The following AQP11 variants were observed in gnomAD, a reference collection of about 807,000 sequenced individuals.
AQP11 encodes the protein aquaporin 11, also known as aquaporin-11.
AQP11 carries 20 observed loss-of-function variants against 21.1 expected under a neutral mutation model. The observed-to-expected ratio is 0.95, with a 90% confidence interval of 0.67 to 1.38. The LOEUF is 1.38. AQP11 is among the 40% of genes most tolerant of loss of function. The pLI is 0.00. For synonymous variants in AQP11, 167 were observed against 150.1 expected, an observed-to-expected ratio of 1.11 and a Z score of -0.82; for missense variants, 339 against 340.4, an observed-to-expected ratio of 1.00 and a Z score of 0.03.
In AQP11 at chr11:77,590,310, G is replaced by A. The variant is rs1420915848; in HGVS notation, c.318G>A (p.Gln106=). ...TSSNPCGVMM[Q]MMLGGMSPET... ...GCAACCCGTGCGGCGTGATGATGCAGATGATGCTGGGGGGCATGTCCCCCG... is the reference window on the plus strand; with the variant it reads ...GCAACCCGTGCGGCGTGATGATGCAAATGATGCTGGGGGGCATGTCCCCCG... Residue 106 remains glutamine, a synonymous_variant, in exon 1 of 3, where the codon CAG becomes CAA. Transcript: ENST00000313578. 1 of 1,608,314 alleles carries A rather than the reference G, an allele frequency of 6.2e-7. No individual in the cohort carries two copies. The highest frequency in any genetic ancestry group is 1.7e-5 in the Admixed American group (1 of 59,694).
intron 1 of AQP11, among the ~76,000 whole-genome samples, chr11:77,591,881 A>T (rs1390883845): frequency 6.6e-6 from 1 of 152,066 alleles, no homozygotes. Context: ...TCTCAAAAAA[A>T]AGAAAGAAAG....
chr11:77,605,480 A>G (rs1039027007), intron 2 of AQP11, among the ~76,000 whole-genome samples: 1 of 152,130 alleles, frequency 6.6e-6, no homozygotes, highest in Non-Finnish European at 1.5e-5. Context: ...GTGAGTGGCA[A>G]TCAAGCTTAC....
chr11:77,596,004 T>C (rs1428281455), intron 1 of AQP11, among the ~76,000 whole-genome samples: 2 of 152,056 alleles, frequency 1.3e-5, no homozygotes, highest in Admixed American at 1.3e-4. Flanking sequence ...GGAGCTATTA[T>C]CAATTTACAA....
intron 2 of AQP11, among the ~76,000 whole-genome samples, chr11:77,605,124 C>T (rs1224998196): frequency 3.3e-5 from 5 of 152,056 alleles, no homozygotes; most frequent in Non-Finnish European, 7.4e-5. Context: ...ACCTAGGAGG[C>T]GGAGCTTGCA....
At chr11:77,608,703 T>C (rs1335192402) in intron 2 of AQP11, among the ~76,000 whole-genome samples, 3 of 152,234 alleles carry the variant, frequency 2.0e-5, no homozygotes, top group African/African-American at 7.2e-5. Flanking sequence ...TTTTATTTGC[T>C]TGACACATCT....
At chr11:77,602,633 A>G (rs1185173126) in intron 1 of AQP11, among the ~76,000 whole-genome samples, 2 of 152,206 alleles carry the variant, frequency 1.3e-5, no homozygotes, top group Non-Finnish European at 2.9e-5. Flanking sequence ...ACACAGCTTC[A>G]TTGTTCTCGG....
At chr11:77,606,886 T>C (rs1234563814) in intron 2 of AQP11, among the ~76,000 whole-genome samples, 1 of 152,198 alleles carries the variant, frequency 6.6e-6, no homozygotes, top group Non-Finnish European at 1.5e-5. Context: ...TGAGCCACCA[T>C]ACTTGGCTGA....
At position 77,609,373 on chromosome 11, in the gene AQP11, A is replaced by C. The variant is rs200870763; in HGVS notation, c.812A>C (p.Glu271Ala). 40 of 1,611,024 alleles carry C rather than the reference A, an allele frequency of 2.5e-5. No individual in the cohort carries two copies. The highest frequency in any genetic ancestry group is 3.4e-5 in the Non-Finnish European group (40 of 1,178,348). Residue 271 changes from glutamate (E) to alanine (A), a missense_variant, in exon 3 of 3, where the codon GAA (glutamate) becomes GCA (alanine). By Grantham distance (107) the Glu-to-Ala change is moderately radical. Transcript: ENST00000313578. ...AACAACCATACAATTAATAAAAAGGAATAACTGTTCCAAAGACTCAGACTA... is the reference window on the plus strand; with the variant it reads ...AACAACCATACAATTAATAAAAAGGCATAACTGTTCCAAAGACTCAGACTA... ...LHNNHTINKK[E>A]
chr11:77,593,514 G>A (rs1036640301), intron 1 of AQP11, among the ~76,000 whole-genome samples: 1 of 152,138 alleles, frequency 6.6e-6, no homozygotes, highest in African/African-American at 2.4e-5. Flanking sequence ...GCGGGTGCCT[G>A]TAGTCCCAGC....
At chr11:77,603,431 TGCAAAGGAAGA>T in intron 1 of AQP11, 114 bp from the exon 2 acceptor site, 1 of 645,438 alleles carries the variant, frequency 1.5e-6, no homozygotes, top group Non-Finnish European at 2.6e-6. Flanking sequence ...CAGGTGATTC[TGCAAAGGAAGA>T]TCACAGACTA....
chr11:77,609,200 C>A lies in AQP11; in HGVS notation c.737-98C>A, dbSNP rs1045143102. The A allele has an allele frequency of 8.9e-5, 70 of 782,738 alleles. 2 individuals carry two copies. In the South Asian group the frequency reaches 1.4e-3, roughly 15 times the overall value. The allele number at this position is 782,738 out of a possible 1,614,324, so 48.5% of individuals were successfully genotyped here. ...AATTCTTTAAGCATGGCTTTCCAAA[C>A]ATCTAGGTATATAATTGTAATTTTA... On this transcript the variant is annotated intron_variant, in intron 2 of 2. Coordinates refer to ENST00000313578, the MANE Select transcript of AQP11 (RefSeq NM_173039.3).
intron 1 of AQP11, among the ~76,000 whole-genome samples, chr11:77,599,160 C>T (rs1958800511): frequency 6.6e-6 from 1 of 151,512 alleles, no homozygotes; most frequent in Admixed American, 6.6e-5. Context: ...GGATTACAGG[C>T]GTGAGCCACC....
Position 77,590,525 on chromosome 11 carries a change from A to G in AQP11, c.533A>G (p.His178Arg). The G allele has an allele frequency of 6.2e-7, 1 of 1,613,990 alleles. No homozygotes were observed. The highest frequency in any genetic ancestry group is 8.5e-7 in the Non-Finnish European group (1 of 1,179,984). Residue 178 changes from histidine to arginine, a missense_variant, in exon 1 of 3, where the codon CAC becomes CGC. Physicochemically the swap from His to Arg is conservative, Grantham distance 29 (BLOSUM62 0). Coordinates refer to ENST00000313578, the MANE Select transcript of AQP11 (RefSeq NM_173039.3). ...ITEAVCSFLF[H>R]SALLHFQEVR... The stretch of plus-strand genomic sequence containing the variant: ...GAGGCCGTCTGCTCCTTTCTCTTCC[A>G]CAGCGCTCTGCTGCACTTCCAGGAA...
At chr11:77,609,041 G>A (rs1958862233) in intron 2 of AQP11, among the ~76,000 whole-genome samples, 2 of 152,186 alleles carry the variant, frequency 1.3e-5, no homozygotes, top group Admixed American at 1.3e-4. Context: ...TTTACCAAAT[G>A]CATACTGTGT....
chr11:77,603,820 T>C, intron 2 of AQP11, 148 bp downstream of exon 2: 1 of 571,528 alleles, frequency 1.7e-6, no homozygotes. Context: ...GAAATAATAC[T>C]TTGTGTAGTA....
intron 1 of AQP11, among the ~76,000 whole-genome samples, chr11:77,594,213 G>GTA (rs984398770): frequency 8.5e-5 from 13 of 152,140 alleles, no homozygotes; most frequent in South Asian, 8.3e-4. Flanking sequence ...ATACTTTATG[G>GTA]TATATATATA....
At chr11:77,591,045 A>G (rs1412135140) in intron 1 of AQP11, 3 of 985,332 alleles carry the variant, frequency 3.0e-6, no homozygotes, top group East Asian at 2.3e-4. Flanking sequence ...ATTGGTTAGT[A>G]TAAGAGCGGA....
chr11:77,590,077 G>A lies in AQP11; in HGVS notation c.85G>A (p.Gly29Arg). 6.2e-7 allele frequency: 1 copy of A among 1,607,000 alleles called. No homozygotes were observed. The highest frequency in any genetic ancestry group is 8.5e-7 in the Non-Finnish European group (1 of 1,179,120). ...GATGCTGTCGGTGGTGCTGCTCATG[G>A]GGCTGGCCCGCGTAGTCGCCCGGCA... ...GLMLSVVLLM[G>R]LARVVARQQL... Residue 29 changes from glycine to arginine, a missense_variant, in exon 1 of 3, where the codon GGG (glycine) becomes AGG (arginine). Physicochemically the swap from Gly to Arg is moderately radical, Grantham distance 125. Coordinates refer to ENST00000313578, the MANE Select transcript of AQP11 (RefSeq NM_173039.3).
At chr11:77,600,907 G>A (rs1179054348) in intron 1 of AQP11, among the ~76,000 whole-genome samples, 3 of 151,968 alleles carry the variant, frequency 2.0e-5, no homozygotes, top group Non-Finnish European at 4.4e-5. Flanking sequence ...AGCTACTCGG[G>A]AGGCTGAGGC....
Sources: allele counts gnomAD v4.1 joint callset (sites outside exome capture counted in the v4.1 genomes callset), GRCh38; gene constraint gnomAD v4.1.1; transcripts MANE v1.5; gene names NCBI Gene and HGNC (gene_info 2026-07-23, HGNC 2026-07-21).